GDF5: variants seen among roughly 807,000 people sequenced by gnomAD.
The protein encoded by GDF5 is growth/differentiation factor 5.
In GDF5, 17 loss-of-function variants were observed where a neutral mutation model predicts 34.6. The observed-to-expected ratio is 0.49, with a 90% CI of 0.34 to 0.74. The LOEUF (loss-of-function observed/expected upper bound fraction) is 0.74, where lower values mean the gene tolerates loss of function less well. Among genes scored for constraint, GDF5 ranks in the 30% least tolerant of loss-of-function variants. GDF5 has a pLI of 0.01. For missense variants in GDF5, 616 were observed against 661.2 expected, an observed-to-expected ratio of 0.93 and a Z score of 0.75; for synonymous variants, 332 against 290.7, an observed-to-expected ratio of 1.14 and a Z score of -1.44.
upstream of GDF5, among the ~76,000 whole-genome samples, chr20:35,438,824 CGTGTGT>C (rs57641919): frequency 4.4e-4 from 56 of 126,490 alleles, no homozygotes; most frequent in African/African-American, 9.5e-4. Flanking sequence ...ATTTGTTATG[CGTGTGT>C]GTGTGTGTGT....
intron 1 of GDF5, 43 bp from the exon 2 acceptor site, chr20:35,434,826 G>A (rs773110868): frequency 3.7e-6 from 6 of 1,606,170 alleles, no homozygotes; most frequent in Non-Finnish European, 5.1e-6. Flanking sequence ...ACCTCACCAA[G>A]GGAGCCAGTC....
intron 1 of GDF5, chr20:35,435,121 T>C (rs2062466045): frequency 1.2e-5 from 7 of 590,926 alleles, no homozygotes; most frequent in East Asian, 8.5e-5. Context: ...GCTAACGTGA[T>C]GTCTCATTTG....
chr20:35,438,315 T>A (rs2062484169), upstream of GDF5: 2 of 268,994 alleles, frequency 7.4e-6, no homozygotes, highest in South Asian at 9.6e-5. Flanking sequence ...GTGCTCCAGT[T>A]TTTTTTTCCC....
chr20:35,437,826 G>A lies in GDF5; in HGVS notation c.103C>T (p.Pro35Ser). The A allele has an allele frequency of 1.2e-6, 2 of 1,613,920 alleles. No homozygotes were observed. Among genetic ancestry groups the A allele is most frequent in the Non-Finnish European group, 1.7e-6 (2 of 1,179,888 alleles). ...VLGAPDLGQR[P>S]QGTRPGLAKA... ...GCCAATCCTGGCCTGGTCCCCTGGG[G>A]TCTCTGGCCCAAGTCAGGGGCACCC... Residue 35 changes from proline (P) to serine (S), a missense_variant, in exon 1 of 2, where the codon CCC becomes TCC. By Grantham distance (74) the Pro-to-Ser change is moderately conservative. Transcript: ENST00000374369.
At chr20:35,434,929 A>G (rs190895650) in intron 1 of GDF5, 146 bp from the exon 2 acceptor site, 1 of 860,596 alleles carries the variant, frequency 1.2e-6, no homozygotes, top group East Asian at 2.4e-5. Flanking sequence ...CAAGAGCCAA[A>G]CCACTGAGAG....
Position 35,433,948 on chromosome 20 carries a change from C to T in GDF5, c.1467G>A (p.Gln489=). The change falls in exon 2 of 2, where the codon CAG becomes CAA. Residue 489 remains glutamine, a synonymous_variant. Transcript: ENST00000374369. ...ACGACTCCACGACCATGTCCTCATA[C>T]TGCTTATACACCACGTTGTTGGCAG... The part of the protein sequence containing the change: ...IDSANNVVYK[Q]YEDMVVESCG... 1 of 1,614,074 alleles carries T rather than the reference C, an allele frequency of 6.2e-7. No individual in the cohort carries two copies. Among genetic ancestry groups the T allele is most frequent in the South Asian group, 1.1e-5 (1 of 91,080 alleles).
At chr20:35,442,889 G>A (rs770345655), upstream of GDF5, among the ~76,000 whole-genome samples, 2 of 152,090 alleles carry the variant, frequency 1.3e-5, no homozygotes, top group Admixed American at 1.3e-4. Context: ...GTTCAGAAAG[G>A]TTAAATTATT....
intron 1 of GDF5, among the ~76,000 whole-genome samples, chr20:35,452,883 A>T (rs756793471): frequency 6.6e-5 from 10 of 151,102 alleles, no homozygotes; most frequent in Admixed American, 1.3e-4. Context: ...TAAGTCTCCT[A>T]TCCACACAAA....
upstream of GDF5, chr20:35,441,454 CTTTT>C (rs1215410831): frequency 1.5e-5 from 2 of 132,650 alleles, no homozygotes; most frequent in Non-Finnish European, 1.6e-5. Context: ...TTAATGATAG[CTTTT>C]TTTTTTTTTT....
At position 35,437,310 on chromosome 20, in the gene GDF5, C is replaced by T; in HGVS notation, c.619G>A (p.Asp207Asn). 1 of 1,611,468 alleles carries T rather than the reference C, an allele frequency of 6.2e-7. No homozygotes were observed. Among genetic ancestry groups the T allele is most frequent in the South Asian group, 1.1e-5 (1 of 90,998 alleles). Reference protein sequence around the residue: ...GLANTITSFIDKGQDDRGPVV... With the variant: ...GLANTITSFINKGQDDRGPVV... ...CCCGCCCCCTCACCTTGCCCTTTGT[C>T]AATAAAGCTGGTGATGGTGTTGGCC... Residue 207 changes from aspartate (D) to asparagine (N), a missense_variant, in exon 1 of 2, where the codon GAC becomes AAC. Transcript: ENST00000374369.
intron 1 of GDF5, among the ~76,000 whole-genome samples, chr20:35,444,270 T>G (rs551120160): frequency 6.6e-6 from 1 of 152,190 alleles, no homozygotes; most frequent in Non-Finnish European, 1.5e-5. Flanking sequence ...TGCTAAGTGC[T>G]GTGAAGAAAA....
At chr20:35,445,685 A>T (rs2062511551) in intron 1 of GDF5, among the ~76,000 whole-genome samples, 1 of 151,504 alleles carries the variant, frequency 6.6e-6, no homozygotes, top group African/African-American at 2.4e-5. Flanking sequence ...AAATAAAAAA[A>T]TAGGCTGGGC....
chr20:35,438,057 G>A lies in GDF5; in HGVS notation c.-129C>T, dbSNP rs914146150. ...GCGGCAGCAGCAGTAGCAGCAGAAGGAAAGGCTTTCTCCTCAGTCTGAGAC... is the reference window on the plus strand; with the variant it reads ...GCGGCAGCAGCAGTAGCAGCAGAAGAAAAGGCTTTCTCCTCAGTCTGAGAC... On this transcript the variant is annotated 5_prime_UTR_variant, in exon 1 of 2. Coordinates refer to ENST00000374369, the MANE Select transcript of GDF5 (RefSeq NM_000557.5). 6 of 1,063,368 alleles carry A rather than the reference G, an allele frequency of 5.6e-6. No individual in the cohort carries two copies. The highest frequency in any genetic ancestry group is 8.5e-6 in the Non-Finnish European group (6 of 709,496). 65.9% of individuals were successfully genotyped at this position (1,063,368 alleles called of 1,614,324 possible). A position where few individuals can be genotyped will look rare whatever the true frequency, so the allele number is the denominator to read the frequency against.
At chr20:35,445,941 C>T (rs1261684827) in intron 1 of GDF5, among the ~76,000 whole-genome samples, 3 of 151,054 alleles carry the variant, frequency 2.0e-5, no homozygotes, top group Non-Finnish European at 2.9e-5. Context: ...TGCACTCCAG[C>T]GTGGGCAACA....
At chr20:35,435,720 G>A (rs898410432) in intron 1 of GDF5, among the ~76,000 whole-genome samples, 8 of 152,134 alleles carry the variant, frequency 5.3e-5, no homozygotes. Flanking sequence ...CCAGTGCAAG[G>A]ATTTTGTTGC....
At chr20:35,438,821 A>ACGCGTGTGTG (rs2062486622), upstream of GDF5, among the ~76,000 whole-genome samples, 1 of 44,928 alleles carries the variant, frequency 2.2e-5, no homozygotes, top group African/African-American at 5.2e-5. Flanking sequence ...CTGATTTGTT[A>ACGCGTGTGTG]TGCGTGTGTG....
upstream of GDF5, among the ~76,000 whole-genome samples, chr20:35,439,895 G>A (rs1046130851): frequency 2.9e-5 from 4 of 139,722 alleles, no homozygotes; most frequent in Non-Finnish European, 4.6e-5. Context: ...GCAATAGTCA[G>A]ATAGGCTTCC....
rs530033800 is a variant in GDF5, at chr20:35,434,007, G to C, written c.1408C>G (p.Arg470Gly). The C allele has an allele frequency of 6.2e-7, 1 of 1,613,870 alleles. No homozygotes were observed. The highest frequency in any genetic ancestry group is 2.2e-5 in the East Asian group (1 of 44,882). The change falls in exon 2 of 2, where the codon CGG becomes GGG. Residue 470 changes from arginine (R) to glycine (G), a missense_variant. Transcript: ENST00000374369. ...STPPTCCVPT[R>G]LSPISILFID... ...AAGAGGATGCTGATGGGACTCAGCC[G>C]CGTGGGCACACAGCAGGTGGGTGGT...
intron 1 of GDF5, among the ~76,000 whole-genome samples, chr20:35,448,808 T>C (rs957345214): frequency 2.0e-5 from 3 of 152,168 alleles, no homozygotes; most frequent in African/African-American, 7.2e-5. Flanking sequence ...ACATCCTTTA[T>C]TGCCCAAGCC....
Sources: allele counts gnomAD v4.1 joint callset (sites outside exome capture counted in the v4.1 genomes callset), GRCh38; gene constraint gnomAD v4.1.1; transcripts MANE v1.5; gene names NCBI Gene and HGNC (gene_info 2026-07-23, HGNC 2026-07-21).